The following EXOC6B variants were observed in gnomAD, a reference collection of about 807,000 sequenced individuals.
EXOC6B encodes the protein exocyst complex component 6B.
EXOC6B carries 54 observed loss-of-function variants against 113.5 expected under a neutral mutation model. That is an observed-to-expected ratio of 0.48 (90% CI 0.38 to 0.60). The LOEUF (loss-of-function observed/expected upper bound fraction) is 0.60. Among genes scored for constraint, EXOC6B ranks in the 20% least tolerant of loss-of-function variants. EXOC6B has a pLI of 0.00. For synonymous variants in EXOC6B, 357 were observed against 339.0 expected (o/e 1.05, Z -0.58); for missense variants, 797 against 977.5 (o/e 0.82, Z 2.46).
At chr2:72,460,977 G>A (rs1697610604) in intron 18 of EXOC6B, among the ~76,000 whole-genome samples, 3 of 151,598 alleles carry the variant, frequency 2.0e-5, no homozygotes, top group African/African-American at 7.3e-5. Context: ...AACAATGATA[G>A]ACTGGATTAA....
rs6723380 is a variant in EXOC6B at position 72,304,729 on chromosome 2, C to T, written c.2196+30218G>A. ...AAAGGTTAGTTAACTGTGCATTCAG[C>T]AGAGCCCTGTTTTTGGTTATATCAG... On this transcript the variant is annotated intron_variant, in intron 20 of 21. Transcript: ENST00000272427. 2.0e-5 allele frequency among the ~76,000 whole-genome samples: 3 copies of T among 152,102 alleles called. No homozygotes were observed. The South Asian group carries it at 6.2e-4, about 32-fold the overall frequency.
At chr2:72,400,292 T>G (rs1693052719) in intron 18 of EXOC6B, among the ~76,000 whole-genome samples, 1 of 152,098 alleles carries the variant, frequency 6.6e-6, no homozygotes, top group Non-Finnish European at 1.5e-5. Context: ...TAAGATGGAT[T>G]AAAGACCTAA....
intron 1 of EXOC6B, among the ~76,000 whole-genome samples, chr2:72,769,526 G>A (rs1683287540): frequency 6.6e-6 from 1 of 152,006 alleles, no homozygotes; most frequent in African/African-American, 2.4e-5. Context: ...ACTAAAAAAG[G>A]AAGGGCCAGG....
At chr2:72,399,062 A>G (rs370409055) in intron 18 of EXOC6B, among the ~76,000 whole-genome samples, 1 of 152,122 alleles carries the variant, frequency 6.6e-6, no homozygotes, top group African/African-American at 2.4e-5. Context: ...TAACATATCA[A>G]CTATGTATGA....
chr2:72,568,046 G>A (rs1704292406), intron 7 of EXOC6B, among the ~76,000 whole-genome samples: 1 of 151,924 alleles, frequency 6.6e-6, no homozygotes, highest in African/African-American at 2.4e-5. Context: ...AAGTGGGACG[G>A]GTACCTTTAT....
rs147473956 is a variant in EXOC6B, at chr2:72,690,080, T to C, written c.669+28023A>G. On this transcript the variant is annotated intron_variant, in intron 6 of 21. Transcript: ENST00000272427. Reference sequence around the variant, plus strand: ...CTTTTGTTCAGAGCACTTATTTTTCTGCCTATGAGGCTATGAGGAAAAAAC... The same window carrying C: ...CTTTTGTTCAGAGCACTTATTTTTCCGCCTATGAGGCTATGAGGAAAAAAC... Among the ~76,000 whole-genome samples, 12 of 152,366 alleles carry C rather than the reference T, an allele frequency of 7.9e-5. No homozygotes were observed. The East Asian group carries it at 2.3e-3, about 29-fold the overall frequency.
chr2:72,358,676 G>T (rs1019162383), intron 19 of EXOC6B, among the ~76,000 whole-genome samples: 2 of 152,124 alleles, frequency 1.3e-5, no homozygotes, highest in African/African-American at 4.8e-5. Context: ...TAATTATTAT[G>T]TATTATATTG....
intron 6 of EXOC6B, among the ~76,000 whole-genome samples, chr2:72,629,368 T>A (rs1445635503): frequency 6.6e-6 from 1 of 152,192 alleles, no homozygotes; most frequent in Non-Finnish European, 1.5e-5. Flanking sequence ...TTCCAACCTC[T>A]ACTTACAATT....
In EXOC6B at chr2:72,205,832, A is replaced by C. The variant is rs57236514; in HGVS notation, c.2197-21645T>G. ...TTCTCAGGCATTGCCTCTGACACAC[A>C]GAGATGAGCCAGGAAGTGAAATGGC... On this transcript the variant is annotated intron_variant, in intron 20 of 21. Coordinates refer to ENST00000272427, the MANE Select transcript of EXOC6B (RefSeq NM_015189.3). 6.3e-3 allele frequency among the ~76,000 whole-genome samples: 964 copies of C among 152,310 alleles called. 12 individuals are homozygous for C. Among genetic ancestry groups the C allele is most frequent in the African/African-American group, 0.022 (902 of 41,554 alleles).
chr2:72,563,233 T>C (rs1703987713), intron 7 of EXOC6B, among the ~76,000 whole-genome samples: 2 of 152,170 alleles, frequency 1.3e-5, no homozygotes, highest in African/African-American at 4.8e-5. Context: ...ACTATTACAT[T>C]CTTCTATAAA....
At chr2:72,648,388 T>C (rs552699682) in intron 6 of EXOC6B, among the ~76,000 whole-genome samples, 1 of 152,342 alleles carries the variant, frequency 6.6e-6, no homozygotes, top group African/African-American at 2.4e-5. Context: ...CTCAAGGATC[T>C]AGAACTAAAA....
chr2:72,246,011 A>C (rs1182916815), intron 20 of EXOC6B, among the ~76,000 whole-genome samples: 3 of 152,132 alleles, frequency 2.0e-5, no homozygotes, highest in African/African-American at 7.2e-5. Flanking sequence ...TAGTTCCTCA[A>C]ATGTACCAGT....
chr2:72,490,571 G>A lies in EXOC6B; in HGVS notation c.1665+1747C>T, dbSNP rs117140289. Reference sequence around the variant, plus strand: ...ACTTTATGTGTATGTGTCTATACATGTACACACCACCATAATAGCCAAAAC... The same window carrying A: ...ACTTTATGTGTATGTGTCTATACATATACACACCACCATAATAGCCAAAAC... On this transcript the variant is annotated intron_variant, in intron 16 of 21. Transcript: ENST00000272427. Among the ~76,000 whole-genome samples, 77 of 152,156 alleles carry A rather than the reference G, an allele frequency of 5.1e-4. 1 individual carries two copies. The East Asian group carries it at 0.013, about 26-fold the overall frequency.
intron 19 of EXOC6B, among the ~76,000 whole-genome samples, chr2:72,368,702 G>A (rs1337676967): frequency 6.6e-6 from 1 of 152,138 alleles, no homozygotes; most frequent in African/African-American, 2.4e-5. Context: ...ATGCAAGGCT[G>A]GTCCAACAAA....
At chr2:72,188,086 G>C (rs1246790882) in intron 20 of EXOC6B, among the ~76,000 whole-genome samples, 1 of 151,990 alleles carries the variant, frequency 6.6e-6, no homozygotes, top group Admixed American at 6.5e-5. Flanking sequence ...CTGCTCCATG[G>C]AGCAGGAGGC....
intron 6 of EXOC6B, among the ~76,000 whole-genome samples, chr2:72,700,747 T>A (rs746590456): frequency 6.6e-6 from 1 of 152,196 alleles, no homozygotes; most frequent in Non-Finnish European, 1.5e-5. Flanking sequence ...GCAGATCACC[T>A]GAGGTCAGGC....
rs574392580 is a variant in EXOC6B at position 72,382,036 on chromosome 2, T to A, written c.1981-2166A>T. On this transcript the variant is annotated intron_variant, in intron 18 of 21. Coordinates refer to ENST00000272427, the MANE Select transcript of EXOC6B (RefSeq NM_015189.3). ...TTGTATTTTCTGATGGGCCACACTC[T>A]GCATGATTTAAAACAACAAAGGAGG... Among the ~76,000 whole-genome samples, 3 of 152,280 alleles carry A rather than the reference T, an allele frequency of 2.0e-5. No individual in the cohort carries two copies. In the South Asian group the frequency reaches 6.2e-4, roughly 32 times the overall value.
intron 20 of EXOC6B, among the ~76,000 whole-genome samples, chr2:72,274,674 G>C (rs1291174016): frequency 6.6e-6 from 1 of 152,106 alleles, no homozygotes. Flanking sequence ...CTTAAACTAA[G>C]CAGAGACGTG....
intron 1 of EXOC6B, among the ~76,000 whole-genome samples, chr2:72,817,056 A>T (rs1437028683): frequency 6.6e-6 from 1 of 152,228 alleles, no homozygotes. Flanking sequence ...AAAAAAATTT[A>T]TTCTCCTATT....
Sources: allele counts gnomAD v4.1 joint callset (sites outside exome capture counted in the v4.1 genomes callset), GRCh38; gene constraint gnomAD v4.1.1; transcripts MANE v1.5; gene names NCBI Gene and HGNC (gene_info 2026-07-23, HGNC 2026-07-21).